Variants in GMDS observed in about 807,000 individuals in gnomAD.
The protein encoded by GMDS is GDP-mannose 4,6-dehydratase.
In GMDS, 20 loss-of-function variants were observed where a neutral mutation model predicts 49.9. That is an observed-to-expected ratio of 0.40 (90% CI 0.28 to 0.58). The LOEUF (loss-of-function observed/expected upper bound fraction) is 0.58, where lower values mean the gene tolerates loss of function less well. Ranked by LOEUF, GMDS falls within the 20% of genes least tolerant of loss-of-function variation. The probability of loss-of-function intolerance (pLI) is 0.42; values close to 1 mark genes in which losing one functional copy is unlikely to be tolerated. For missense variants in GMDS, 362 were observed against 481.4 expected, an observed-to-expected ratio of 0.75 and a Z score of 2.32; for synonymous variants, 177 against 178.6, an observed-to-expected ratio of 0.99 and a Z score of 0.07.
chr6:1,677,147 G>A (rs1432107502), intron 9 of GMDS, among the ~76,000 whole-genome samples: 18 of 152,204 alleles, frequency 1.2e-4, no homozygotes, highest in Non-Finnish European at 2.6e-4. Context: ...CTCAAAAGAA[G>A]ATATTTATGC....
intron 4 of GMDS, among the ~76,000 whole-genome samples, chr6:1,986,431 G>GCA (rs1765551146): frequency 6.6e-6 from 1 of 152,286 alleles, no homozygotes; most frequent in East Asian, 1.9e-4. Context: ...CCCAGAACTT[G>GCA]CATCTGTGAA....
chr6:2,216,027 T>C (rs965019347), intron 1 of GMDS, among the ~76,000 whole-genome samples: 4 of 152,168 alleles, frequency 2.6e-5, no homozygotes, highest in Non-Finnish European at 4.4e-5. Context: ...TGTCTATGAG[T>C]TAATAATTAC....
intron 7 of GMDS, among the ~76,000 whole-genome samples, chr6:1,911,842 A>C (rs1273344557): frequency 6.6e-6 from 1 of 152,186 alleles, no homozygotes; most frequent in African/African-American, 2.4e-5. Flanking sequence ...GCACACCTTC[A>C]AGCAACATTC....
At chr6:2,017,395 G>A (rs9392352) in intron 4 of GMDS, among the ~76,000 whole-genome samples, 31,456 of 151,698 alleles carry the variant, frequency 0.21, 3,461 homozygotes, top group Non-Finnish European at 0.23. Context: ...TGCAACCTCC[G>A]CCTCCTGGGT....
chr6:2,204,642 G>A (rs983234376), intron 1 of GMDS, among the ~76,000 whole-genome samples: 3 of 152,184 alleles, frequency 2.0e-5, no homozygotes, highest in Non-Finnish European at 4.4e-5. Flanking sequence ...ATAACTACAC[G>A]TGGCTAGAGG....
chr6:1,624,399 C>T, intron 10 of GMDS, 73 bp downstream of exon 10: 1 of 1,435,926 alleles, frequency 7.0e-7, no homozygotes, highest in Non-Finnish European at 9.7e-7. Context: ...GCCTCAGGCG[C>T]CCGACCCTGA....
At chr6:1,967,620 T>C (rs1000927987) in intron 4 of GMDS, among the ~76,000 whole-genome samples, 1 of 152,184 alleles carries the variant, frequency 6.6e-6, no homozygotes, top group Non-Finnish European at 1.5e-5. Context: ...AGAAGAATCT[T>C]AGACATACTC....
intron 1 of GMDS, among the ~76,000 whole-genome samples, chr6:2,174,620 T>C (rs1167024217): frequency 6.6e-6 from 1 of 151,952 alleles, no homozygotes; most frequent in Admixed American, 6.6e-5. Context: ...TGGGCTGGAG[T>C]GTGGTGGTGC....
chr6:2,042,314 G>A (rs1769732899), intron 4 of GMDS, among the ~76,000 whole-genome samples: 1 of 152,106 alleles, frequency 6.6e-6, no homozygotes, highest in African/African-American at 2.4e-5. Context: ...GAAATTTCCT[G>A]GCCTCTTTTC....
At chr6:1,826,897 T>TA (rs34668083) in intron 7 of GMDS, among the ~76,000 whole-genome samples, 24 of 150,260 alleles carry the variant, frequency 1.6e-4, no homozygotes, top group South Asian at 8.5e-4. Flanking sequence ...TGACACTCTC[T>TA]AAAAAAAAAG....
Position 1,930,220 on chromosome 6 carries a change from G to A in GMDS, c.654C>T (p.Phe218=), listed in dbSNP as rs1290168039. The change falls in exon 7 of 11, where the codon TTC becomes TTT. Residue 218 remains phenylalanine (F), a synonymous_variant. Coordinates refer to ENST00000380815, the MANE Select transcript of GMDS (RefSeq NM_001500.4). The stretch of plus-strand genomic sequence containing the variant: ...CTGACCGGCTAATTTTTCGAGTAAC[G>A]AAATTAGCTCCTAAAAAGAGGCAAA... ...NHESPRRGAN[F]VTRKISRSVA... is the part of the protein sequence containing the mutation. 7.4e-6 allele frequency: 12 copies of A among 1,612,278 alleles called. No individual in the cohort carries two copies. Among genetic ancestry groups the A allele is most frequent in the South Asian group, 2.2e-5 (2 of 90,694 alleles).
intron 4 of GMDS, among the ~76,000 whole-genome samples, chr6:2,034,324 C>T (rs1222620272): frequency 6.6e-6 from 1 of 152,070 alleles, no homozygotes; most frequent in African/African-American, 2.4e-5. Context: ...CTGTATTATT[C>T]CATTTACATG....
intron 4 of GMDS, among the ~76,000 whole-genome samples, chr6:1,970,391 T>C (rs2127320072): frequency 6.6e-6 from 1 of 152,336 alleles, no homozygotes; most frequent in South Asian, 2.1e-4. Flanking sequence ...ACTTAGCAGC[T>C]GGGGCCAGAT....
intron 7 of GMDS, among the ~76,000 whole-genome samples, chr6:1,925,877 T>C (rs1761977949): frequency 6.6e-6 from 1 of 152,078 alleles, no homozygotes; most frequent in Admixed American, 6.5e-5. Flanking sequence ...ATGCTGTGCC[T>C]ATAAAAACCC....
intron 1 of GMDS, among the ~76,000 whole-genome samples, chr6:2,148,885 A>T (rs918042967): frequency 2.6e-5 from 4 of 152,212 alleles, no homozygotes. Flanking sequence ...ATACGGTAGA[A>T]CACGTGAGAA....
At chr6:2,218,815 A>G (rs1345079297) in intron 1 of GMDS, among the ~76,000 whole-genome samples, 2 of 152,236 alleles carry the variant, frequency 1.3e-5, no homozygotes, top group Non-Finnish European at 2.9e-5. Flanking sequence ...TTCATTCTAT[A>G]CATTATGAAA....
At chr6:2,059,850 C>A (rs989572289) in intron 4 of GMDS, among the ~76,000 whole-genome samples, 1 of 151,406 alleles carries the variant, frequency 6.6e-6, no homozygotes, top group Non-Finnish European at 1.5e-5. Flanking sequence ...GACACTGGCC[C>A]CCAAAAATTT....
At chr6:1,801,183 G>A (rs1198756518) in intron 7 of GMDS, among the ~76,000 whole-genome samples, 1 of 152,206 alleles carries the variant, frequency 6.6e-6, no homozygotes, top group African/African-American at 2.4e-5. Flanking sequence ...TTACCTTTCA[G>A]GAACAGAGAA....
At chr6:1,737,500 A>ACAC (rs1767039995) in intron 8 of GMDS, among the ~76,000 whole-genome samples, 11 of 148,164 alleles carry the variant, frequency 7.4e-5, no homozygotes, top group African/African-American at 2.7e-4. Context: ...CACACACACA[A>ACAC]ACACACACAC....
Sources: gnomAD v4.1 joint callset for allele counts (sites outside exome capture counted in the v4.1 genomes callset) on GRCh38, gnomAD v4.1.1 for gene constraint, MANE v1.5 for transcripts, NCBI Gene and HGNC (gene_info 2026-07-23, HGNC 2026-07-21) for gene names.